Variants in SEC61G observed in about 807,000 individuals in gnomAD.
The protein encoded by SEC61G is protein transport protein Sec61 subunit gamma.
Under a neutral mutation model 7.5 loss-of-function variants are expected in SEC61G, and 4 were observed. That is an observed-to-expected ratio of 0.54 (90% CI 0.26 to 1.22). SEC61G has a LOEUF of 1.22. Among genes scored for constraint, SEC61G ranks in the 50% most tolerant of loss-of-function variants. The pLI, the probability that SEC61G is intolerant of heterozygous loss-of-function variation, is 0.12. For missense variants in SEC61G, 53 were observed against 84.6 expected (o/e 0.63, Z 1.46); for synonymous variants, 24 against 24.4 (o/e 0.98, Z 0.05).
At chr7:54,759,112 T>G in intron 1 of SEC61G, 46 bp downstream of exon 1, 2 of 503,942 alleles carry the variant, frequency 4.0e-6, no homozygotes. Context: ...GTCGCAAAGG[T>G]GTGGCCGCCC....
intron 2 of SEC61G, 132 bp from the exon 3 acceptor site, chr7:54,756,013 A>T (rs760337123): frequency 6.4e-6 from 3 of 465,726 alleles, no homozygotes; most frequent in Non-Finnish European, 1.1e-5. Context: ...ATTTAAAAAT[A>T]AAAAGGTGAG....
intron 3 of SEC61G, among the ~76,000 whole-genome samples, chr7:54,753,196 G>A (rs1173597562): frequency 2.0e-5 from 3 of 152,082 alleles, no homozygotes; most frequent in Non-Finnish European, 4.4e-5. Flanking sequence ...AGGAGGCTGA[G>A]GCAGGAGAAT....
chr7:54,758,641 G>A (rs1409238718), intron 1 of SEC61G, among the ~76,000 whole-genome samples: 1 of 152,210 alleles, frequency 6.6e-6, no homozygotes, highest in Non-Finnish European at 1.5e-5. Flanking sequence ...AGGAAGCTAA[G>A]AATTCTTTAT....
At chr7:54,754,000 G>C (rs1791460577) in intron 3 of SEC61G, among the ~76,000 whole-genome samples, 1 of 152,130 alleles carries the variant, frequency 6.6e-6, no homozygotes, top group African/African-American at 2.4e-5. Flanking sequence ...CGGATACAAG[G>C]GGGCTCTGGA....
intron 1 of SEC61G, among the ~76,000 whole-genome samples, chr7:54,758,589 A>T (rs1791567924): frequency 6.6e-6 from 1 of 152,206 alleles, no homozygotes; most frequent in African/African-American, 2.4e-5. Context: ...TTGCTCTTGA[A>T]ATCCAAAGGG....
intron 2 of SEC61G, among the ~76,000 whole-genome samples, chr7:54,756,273 T>C (rs1791510954): frequency 6.6e-6 from 1 of 152,226 alleles, no homozygotes; most frequent in South Asian, 2.1e-4. Flanking sequence ...ATATCAATTA[T>C]ATGGGCAGAA....
chr7:54,757,824 A>G (rs1047181443), intron 1 of SEC61G, among the ~76,000 whole-genome samples: 3 of 152,236 alleles, frequency 2.0e-5, no homozygotes, highest in African/African-American at 7.2e-5. Context: ...CTTACTCATG[A>G]TATCTTCACT....
intron 1 of SEC61G, among the ~76,000 whole-genome samples, chr7:54,757,995 G>C (rs550828062): frequency 1.8e-4 from 28 of 152,154 alleles, no homozygotes; most frequent in Non-Finnish European, 3.7e-4. Flanking sequence ...TCAGTGTTGA[G>C]ATCCAACAAT....
In SEC61G at chr7:54,753,859, A is replaced by C. The variant is rs115654974; in HGVS notation, c.198-1439T>G. ...CATGCCTGTTTCCTCATGAAGATTA[A>C]ATGAGTTGACACACAGTCATGGAAA... On this transcript the variant is annotated intron_variant, in intron 3 of 3. Transcript: ENST00000352861. Among the ~76,000 whole-genome samples the C allele has an allele frequency of 2.3e-3, 347 of 152,326 alleles. 3 individuals carry two copies. The highest frequency in any genetic ancestry group is 7.8e-3 in the African/African-American group (323 of 41,552).
chr7:54,752,450 G>A lies in SEC61G; in HGVS notation c.198-30C>T, dbSNP rs780681491. 5.8e-6 allele frequency: 8 copies of A among 1,383,866 alleles called. No homozygotes were observed. The Middle Eastern group carries it at 5.4e-4, about 94-fold the overall frequency. 85.7% of individuals were successfully genotyped at this position (1,383,866 alleles called of 1,614,324 possible). A position where few individuals can be genotyped will look rare whatever the true frequency, so the allele number is the denominator to read the frequency against. On this transcript the variant is annotated intron_variant, in intron 3 of 3. Transcript: ENST00000352861. The stretch of plus-strand genomic sequence containing the variant: ...AAAAGAAAGAAAAATTATTACTTCT[G>A]AGCATAGATAAGATTTTAATAATTA...
At chr7:54,758,904 C>T in intron 1 of SEC61G, 1 of 281,386 alleles carries the variant, frequency 3.6e-6, no homozygotes, top group Non-Finnish European at 6.9e-6. Context: ...GGGCAGGACG[C>T]TAAGCCCTGG....
intron 3 of SEC61G, among the ~76,000 whole-genome samples, chr7:54,752,923 A>C (rs1183928309): frequency 2.0e-5 from 3 of 152,220 alleles, no homozygotes; most frequent in Non-Finnish European, 4.4e-5. Flanking sequence ...TAAAAGCATA[A>C]ACATTAAAAC....
intron 1 of SEC61G, 59 bp from the exon 2 acceptor site, chr7:54,757,653 C>G (rs764681739): frequency 5.9e-6 from 8 of 1,362,752 alleles, no homozygotes; most frequent in Non-Finnish European, 8.4e-6. Context: ...AGCACTTGCT[C>G]ATTTATATAA....
chr7:54,752,414 GC>G lies in SEC61G; in HGVS notation c.203del (p.Gly68AlafsTer12). On this transcript the variant is annotated frameshift_variant, in exon 4 of 4. Transcript: ENST00000352861. LOFTEE classifies it high-confidence loss of function. The stretch of plus-strand genomic sequence containing the variant: ...AAAACTCTCTTCCAAAATGTATTCA[GC>G]CACCACTGTAAAAGAAAGAAAAATT... ...HIPINNIIVG[G>X] 1.3e-6 allele frequency: 2 copies of G among 1,533,080 alleles called. No homozygotes were observed. The highest frequency in any genetic ancestry group is 8.9e-7 in the Non-Finnish European group (1 of 1,125,244). 95.0% of individuals were successfully genotyped at this position (1,533,080 alleles called of 1,614,324 possible).
In SEC61G at chr7:54,757,547, A is replaced by G. The variant is rs746317531; in HGVS notation, c.42T>C (p.Phe14=). 3 of 1,614,044 alleles carry G rather than the reference A, an allele frequency of 1.9e-6. No individual in the cohort carries two copies. The highest frequency in any genetic ancestry group is 2.5e-6 in the Non-Finnish European group (3 of 1,180,006). The change falls in exon 2 of 4, where the codon TTT becomes TTC. Residue 14 remains phenylalanine (F), a synonymous_variant. Coordinates refer to ENST00000352861, the MANE Select transcript of SEC61G (RefSeq NM_014302.4). ...TAACCAGCCGAATGGAGTCCTTTAC[A>G]AACTGCCGACTTGGCTCAACAAACT... The part of the protein sequence containing the change: ...VMQFVEPSRQ[F]VKDSIRLVKR...
At position 54,752,274 on chromosome 7, in the gene SEC61G, T is replaced by C; in HGVS notation, c.*137A>G. On this transcript the variant is annotated 3_prime_UTR_variant, in exon 4 of 4. Coordinates refer to ENST00000352861, the MANE Select transcript of SEC61G (RefSeq NM_014302.4). The stretch of plus-strand genomic sequence containing the variant: ...TTCATTTACTTTGAAATTACTTTAA[T>C]TTAGAAATAGAAAACATCTTGAAAG... The C allele has an allele frequency of 1.9e-6, 1 of 517,982 alleles. No homozygotes were observed. The highest frequency in any genetic ancestry group is 3.5e-6 in the Non-Finnish European group (1 of 289,196). The allele number at this position is 517,982 out of a possible 1,614,324, so 32.1% of individuals were successfully genotyped here.
chr7:54,757,486 A>G lies in SEC61G; in HGVS notation c.94+9T>C, dbSNP rs1019307646. On this transcript the variant is annotated intron_variant, in intron 2 of 3. Coordinates refer to ENST00000352861, the MANE Select transcript of SEC61G (RefSeq NM_014302.4). ...GATTTAATTTTTTCTCTCATAGTCA[A>G]GCAATTACCTTTTCTATCAGGTTTA... 2.0e-5 allele frequency: 32 copies of G among 1,608,786 alleles called. No individual in the cohort carries two copies. The highest frequency in any genetic ancestry group is 2.6e-5 in the Non-Finnish European group (30 of 1,175,308).
chr7:54,756,826 C>A (rs1234063095), intron 2 of SEC61G, among the ~76,000 whole-genome samples: 2 of 151,648 alleles, frequency 1.3e-5, no homozygotes, highest in Non-Finnish European at 2.9e-5. Context: ...AAAAATATAA[C>A]CGCAATAATT....
In SEC61G at chr7:54,752,336, G is replaced by T; in HGVS notation, c.*75C>A. 1 of 982,702 alleles carries T rather than the reference G, an allele frequency of 1.0e-6. No individual in the cohort carries two copies. The allele number at this position is 982,702 out of a possible 1,614,324, so 60.9% of individuals were successfully genotyped here. A position where few individuals can be genotyped will look rare whatever the true frequency, so the allele number is the denominator to read the frequency against. On this transcript the variant is annotated 3_prime_UTR_variant, in exon 4 of 4. Coordinates refer to ENST00000352861, the MANE Select transcript of SEC61G (RefSeq NM_014302.4). ...ACCCACAAAACATACAGGCAAATTT[G>T]TATTCTGTGAGTTTCTCACACCCTC...
Sources: gnomAD v4.1 joint callset for allele counts (sites outside exome capture counted in the v4.1 genomes callset) on GRCh38, gnomAD v4.1.1 for gene constraint, MANE v1.5 for transcripts, NCBI Gene and HGNC (gene_info 2026-07-23, HGNC 2026-07-21) for gene names.